EPHB2: variants seen among roughly 807,000 people sequenced by gnomAD.
The protein encoded by EPHB2 is ephrin type-B receptor 2.
Under a neutral mutation model 96.4 loss-of-function variants are expected in EPHB2, and 18 were observed. The observed-to-expected ratio is 0.19, with a 90% CI of 0.13 to 0.28. EPHB2 has a LOEUF of 0.28. Ranked by LOEUF, EPHB2 falls within the 10% of genes least tolerant of loss-of-function variation. The pLI, the probability that EPHB2 is intolerant of heterozygous loss-of-function variation, is 1.00. For missense variants in EPHB2, 989 were observed against 1,355.4 expected (o/e 0.73, Z 4.25); for synonymous variants, 506 against 534.1 (o/e 0.95, Z 0.72).
intron 3 of EPHB2, 26 bp downstream of exon 3, chr1:22,785,102 C>T (rs959700344): frequency 3.2e-5 from 51 of 1,612,772 alleles, no homozygotes; most frequent in Non-Finnish European, 4.2e-5. Flanking sequence ...GGGCACGTGC[C>T]CCTGCAAATG....
At position 22,784,841 on chromosome 1, in the gene EPHB2, C is replaced by G. The variant is rs1222605408; in HGVS notation, c.576C>G (p.Val192=). 2 of 1,607,700 alleles carry G rather than the reference C, an allele frequency of 1.2e-6. No individual in the cohort carries two copies. The highest frequency in any genetic ancestry group is 1.7e-6 in the Non-Finnish European group (2 of 1,176,084). ...GGCMSLIAVR[V]FYRKCPRIIQ... ...GCATGTCCCTCATCGCCGTGCGTGT[C>G]TTCTACCGCAAGTGCCCCCGCATCA... Residue 192 remains valine (V), a synonymous_variant, in exon 3 of 16, where the codon GTC becomes GTG. Coordinates refer to ENST00000374630, the MANE Select transcript of EPHB2 (RefSeq NM_017449.5). The surrounding 1 kb of genome is among the most constrained non-coding windows in gnomAD (Gnocchi z 5.1).
chr1:22,805,543 C>T (rs1644913154), intron 3 of EPHB2, among the ~76,000 whole-genome samples: 1 of 152,162 alleles, frequency 6.6e-6, no homozygotes, highest in African/African-American at 2.4e-5. Context: ...TGCCCCTCTC[C>T]CCACCTCTCT....
Position 22,908,883 on chromosome 1 carries a change from GA to G in EPHB2, c.2353-137del, listed in dbSNP as rs1485850620. On this transcript the variant is annotated intron_variant, in intron 12 of 15. Coordinates refer to ENST00000374630, the MANE Select transcript of EPHB2 (RefSeq NM_017449.5). The stretch of plus-strand genomic sequence containing the variant: ...AGAGGGCGCAAATGCCCAGTGGTCT[GA>G]AGCTGCATGGTAAGTTTGGGGCACA... 2.2e-6 allele frequency: 3 copies of G among 1,363,698 alleles called. No homozygotes were observed. The African/African-American group carries it at 4.3e-5, about 20-fold the overall frequency. 84.5% of individuals were successfully genotyped at this position (1,363,698 alleles called of 1,614,324 possible).
chr1:22,767,666 T>G (rs1250939171), intron 1 of EPHB2, among the ~76,000 whole-genome samples: 1 of 152,124 alleles, frequency 6.6e-6, no homozygotes, highest in South Asian at 2.1e-4. Context: ...CACCTCCTGG[T>G]CCATGTCCTC....
intron 5 of EPHB2, among the ~76,000 whole-genome samples, chr1:22,878,976 G>A (rs187372934): frequency 1.6e-3 from 244 of 152,302 alleles, no homozygotes; most frequent in African/African-American, 5.5e-3. Context: ...ACAGCAGCAC[G>A]CCTCTGACTC....
At chr1:22,886,513 C>T (rs1044379653) in intron 6 of EPHB2, among the ~76,000 whole-genome samples, 1 of 151,894 alleles carries the variant, frequency 6.6e-6, no homozygotes, top group Non-Finnish European at 1.5e-5. Context: ...GACATGGAGA[C>T]ACAGGGAGCG....
Position 22,769,526 on chromosome 1 carries a change from A to G in EPHB2, c.62-11895A>G, listed in dbSNP as rs569066200. On this transcript the variant is annotated intron_variant, in intron 1 of 15. Coordinates refer to ENST00000374630, the MANE Select transcript of EPHB2 (RefSeq NM_017449.5). ...GGTTCAAGTTGATTCTCGTGCCTCA[A>G]TCTCCCAAGTAGCTGGGATTACAGA... is the stretch of plus-strand genomic sequence containing the variant. 3.2e-3 allele frequency among the ~76,000 whole-genome samples: 482 copies of G among 152,178 alleles called. 3 individuals are homozygous for G. The highest frequency in any genetic ancestry group is 0.011 in the African/African-American group (438 of 41,494).
intron 4 of EPHB2, among the ~76,000 whole-genome samples, chr1:22,864,173 G>A (rs1010731059): frequency 6.6e-6 from 1 of 151,800 alleles, no homozygotes; most frequent in African/African-American, 2.4e-5. Flanking sequence ...AGCCTCCCGA[G>A]TAACTGGGAT....
intron 1 of EPHB2, among the ~76,000 whole-genome samples, chr1:22,731,285 AC>A (rs908633525): frequency 3.3e-5 from 5 of 151,826 alleles, no homozygotes; most frequent in Admixed American, 2.0e-4. Context: ...GCCCAAATCC[AC>A]CCCCATCAGG....
chr1:22,879,698 A>G (rs767938531), intron 5 of EPHB2, among the ~76,000 whole-genome samples: 2 of 152,160 alleles, frequency 1.3e-5, no homozygotes, highest in African/African-American at 4.8e-5. Context: ...ATGATTGTTG[A>G]GGGGGTTAAA....
At chr1:22,728,734 C>T (rs1327921246) in intron 1 of EPHB2, among the ~76,000 whole-genome samples, 1 of 152,204 alleles carries the variant, frequency 6.6e-6, no homozygotes, top group East Asian at 1.9e-4. Context: ...GGCCCGTTGT[C>T]CTGCCTGATC....
At chr1:22,725,735 A>G (rs1643567269) in intron 1 of EPHB2, among the ~76,000 whole-genome samples, 4 of 152,070 alleles carry the variant, frequency 2.6e-5, no homozygotes, top group Admixed American at 2.6e-4. Context: ...ACTTTTGGAG[A>G]TATGTTCCTG....
chr1:22,798,546 G>C (rs905645482), intron 3 of EPHB2, among the ~76,000 whole-genome samples: 1 of 151,892 alleles, frequency 6.6e-6, no homozygotes, highest in African/African-American at 2.4e-5. Context: ...AATCTCTGCA[G>C]TGTGGTCCTA....
intron 9 of EPHB2, among the ~76,000 whole-genome samples, chr1:22,901,432 G>A (rs138832250): frequency 1.3e-5 from 2 of 152,240 alleles, no homozygotes; most frequent in East Asian, 1.9e-4. Context: ...AATTAGCAGC[G>A]GTGCCAGAAT....
intron 6 of EPHB2, among the ~76,000 whole-genome samples, chr1:22,888,791 AAC>A (rs1291709724): frequency 1.6e-5 from 2 of 123,596 alleles, no homozygotes; most frequent in Non-Finnish European, 4.0e-5. Flanking sequence ...TGGAATAGAA[AAC>A]AGGGGCTCAG....
chr1:22,849,850 C>T (rs1645598777), intron 3 of EPHB2, among the ~76,000 whole-genome samples: 1 of 152,214 alleles, frequency 6.6e-6, no homozygotes, highest in Admixed American at 6.5e-5. Flanking sequence ...CAGGCCCAGG[C>T]CTGCAGAACC....
intron 1 of EPHB2, among the ~76,000 whole-genome samples, chr1:22,728,952 G>A (rs1329694882): frequency 1.3e-5 from 2 of 152,336 alleles, no homozygotes; most frequent in Non-Finnish European, 2.9e-5. Flanking sequence ...CCCAAGGTGC[G>A]AGGTTCCAGC....
Position 22,864,963 on chromosome 1 carries a change from G to GT in EPHB2, c.1054_1055insT (p.Gly352ValfsTer46). ...GTGGACCCCTCCCCGCGACTCCGGA[G>GT]GCCGAGAGGACCTCGTCTACAACAT... On this transcript the variant is annotated frameshift_variant, in exon 5 of 16. Transcript: ENST00000374630. LOFTEE classifies it high-confidence loss of function. 1 of 1,605,548 alleles carries GT rather than the reference G, an allele frequency of 6.2e-7. No homozygotes were observed. Among genetic ancestry groups the GT allele is most frequent in the Non-Finnish European group, 8.5e-7 (1 of 1,174,632 alleles).
chr1:22,812,415 C>T (rs2119320), intron 3 of EPHB2, among the ~76,000 whole-genome samples: 29,435 of 152,050 alleles, frequency 0.19, 2,922 homozygotes, highest in South Asian at 0.32. Flanking sequence ...TAATAAGAAA[C>T]GGATGAAGAT....
Sources: gnomAD v4.1 joint callset for allele counts (sites outside exome capture counted in the v4.1 genomes callset) on GRCh38, gnomAD v4.1.1 for gene constraint, Gnocchi (gnomAD v3.1) non-coding constraint, MANE v1.5 for transcripts, NCBI Gene and HGNC (gene_info 2026-07-23, HGNC 2026-07-21) for gene names.